Variants in ITGBL1 observed in about 807,000 individuals in gnomAD.
ITGBL1 encodes integrin beta-like protein 1.
Under a neutral mutation model 68.5 loss-of-function variants are expected in ITGBL1, and 51 were observed. The observed-to-expected ratio is 0.74, with a 90% confidence interval of 0.59 to 0.94. The LOEUF is 0.94. Among genes scored for constraint, ITGBL1 ranks in the 40% least tolerant of loss-of-function variants. The pLI is 0.00. For synonymous variants in ITGBL1, 209 were observed against 227.3 expected (o/e 0.92, Z 0.72); for missense variants, 649 against 647.4 (o/e 1.00, Z -0.03).
chr13:101,677,894 A>C (rs1434491613), intron 7 of ITGBL1, among the ~76,000 whole-genome samples: 1 of 152,238 alleles, frequency 6.6e-6, no homozygotes, highest in Non-Finnish European at 1.5e-5. Context: ...TTCATAGATA[A>C]AAATGGCTTA....
intron 2 of ITGBL1, among the ~76,000 whole-genome samples, chr13:101,522,187 C>G (rs947825844): frequency 6.6e-6 from 1 of 152,112 alleles, no homozygotes; most frequent in East Asian, 1.9e-4. Context: ...TCTCTACTTA[C>G]AGTCACATGG....
In ITGBL1 at chr13:101,495,127, C is replaced by G. The variant is rs376898852; in HGVS notation, c.316+41027C>G. ...AGCAAGAGCATGGAAGTTGCCAACC[C>G]TTTTTAACTTTTATGTAGTTTACTC... On this transcript the variant is annotated intron_variant, in intron 2 of 10. Transcript: ENST00000376180. 4.6e-5 allele frequency among the ~76,000 whole-genome samples: 7 copies of G among 152,268 alleles called. No individual in the cohort carries two copies. The East Asian group carries it at 1.4e-3, about 29-fold the overall frequency.
intron 4 of ITGBL1, among the ~76,000 whole-genome samples, chr13:101,578,838 A>T (rs371224213): frequency 6.6e-6 from 1 of 152,248 alleles, no homozygotes; most frequent in East Asian, 1.9e-4. Context: ...TCTGCTTTAA[A>T]GAGTTGTTTG....
At chr13:101,554,438 G>A (rs892954345) in intron 2 of ITGBL1, among the ~76,000 whole-genome samples, 4 of 152,176 alleles carry the variant, frequency 2.6e-5, no homozygotes, top group Admixed American at 6.5e-5. Flanking sequence ...TGTCTTACAC[G>A]ATGACATCTG....
intron 7 of ITGBL1, among the ~76,000 whole-genome samples, chr13:101,678,399 T>C (rs1451678375): frequency 6.6e-6 from 1 of 152,246 alleles, no homozygotes; most frequent in Non-Finnish European, 1.5e-5. Flanking sequence ...ATTTTGTTGT[T>C]CAATTTGTAA....
At chr13:101,636,693 G>A (rs2032180476) in intron 7 of ITGBL1, among the ~76,000 whole-genome samples, 2 of 152,126 alleles carry the variant, frequency 1.3e-5, no homozygotes, top group African/African-American at 2.4e-5. Flanking sequence ...TGCAGAAGTG[G>A]GAAGGAGAAG....
At chr13:101,594,013 C>G (rs2050701337) in intron 6 of ITGBL1, among the ~76,000 whole-genome samples, 1 of 152,024 alleles carries the variant, frequency 6.6e-6, no homozygotes, top group East Asian at 1.9e-4. Flanking sequence ...ACATCTGATT[C>G]TACCCCATAA....
chr13:101,514,163 C>T (rs568397366), intron 2 of ITGBL1, among the ~76,000 whole-genome samples: 2 of 152,102 alleles, frequency 1.3e-5, no homozygotes, highest in Admixed American at 1.3e-4. Flanking sequence ...CTATCCTAAA[C>T]GTCCCCATAT....
At chr13:101,638,611 G>C (rs572551545) in intron 7 of ITGBL1, among the ~76,000 whole-genome samples, 1 of 152,078 alleles carries the variant, frequency 6.6e-6, no homozygotes, top group African/African-American at 2.4e-5. Flanking sequence ...GGAGACAAGA[G>C]AGAATGAGAA....
chr13:101,598,294 G>A lies in ITGBL1; in HGVS notation c.1010G>A (p.Gly337Glu). Reference protein sequence around the residue: ...CQGSSDLPCSGRGKCECGKCT... With the variant: ...CQGSSDLPCSERGKCECGKCT... ...GGAAGCTCGGATCTGCCTTGCTCTG[G>A]GAGGGGTAAGTGAGGTCTCTCAGGG... The change falls in exon 7 of 11, where the codon GGG becomes GAG. Residue 337 changes from glycine to glutamate, a missense_variant. Gly to Glu is a moderately conservative substitution (Grantham distance 98, BLOSUM62 -2). Coordinates refer to ENST00000376180, the MANE Select transcript of ITGBL1 (RefSeq NM_004791.3). The A allele has an allele frequency of 1.2e-6, 2 of 1,608,556 alleles. No homozygotes were observed. Among genetic ancestry groups the A allele is most frequent in the Non-Finnish European group, 8.5e-7 (1 of 1,177,604 alleles).
rs117493177 is a variant in ITGBL1 at position 101,691,640 on chromosome 13, G to T, written c.1016-945G>T. On this transcript the variant is annotated intron_variant, in intron 7 of 10. Coordinates refer to ENST00000376180, the MANE Select transcript of ITGBL1 (RefSeq NM_004791.3). ...ACCAGTAGTGATTCCTCAAACAAAA[G>T]AAATTTACTTTCTCATATAGCCTTC... Among the ~76,000 whole-genome samples the T allele has an allele frequency of 1.8e-4, 27 of 152,260 alleles. No individual in the cohort carries two copies. The East Asian group carries it at 4.4e-3, about 25-fold the overall frequency.
chr13:101,460,557 A>C (rs1013772226), intron 2 of ITGBL1, among the ~76,000 whole-genome samples: 1 of 152,222 alleles, frequency 6.6e-6, no homozygotes, highest in Non-Finnish European at 1.5e-5. Flanking sequence ...CCTCAATTGT[A>C]CTGCTTTATT....
intron 2 of ITGBL1, among the ~76,000 whole-genome samples, chr13:101,547,348 TTTAA>T (rs2049844148): frequency 6.6e-6 from 1 of 151,966 alleles, no homozygotes; most frequent in African/African-American, 2.4e-5. Flanking sequence ...TGCTATCATC[TTTAA>T]TTAGTCCTTC....
intron 5 of ITGBL1, 113 bp downstream of exon 5, chr13:101,579,540 A>G (rs2050420944): frequency 1.9e-6 from 2 of 1,070,548 alleles, no homozygotes; most frequent in Non-Finnish European, 2.6e-6. Context: ...TCTTCTAACC[A>G]TTTACTTTGA....
At chr13:101,606,344 G>C (rs932352301) in intron 7 of ITGBL1, among the ~76,000 whole-genome samples, 19 of 151,286 alleles carry the variant, frequency 1.3e-4, no homozygotes, top group Non-Finnish European at 5.9e-5. Context: ...GTGATTCCTT[G>C]ATTTCTATAC....
At chr13:101,619,500 A>G (rs994069547) in intron 7 of ITGBL1, among the ~76,000 whole-genome samples, 2 of 152,166 alleles carry the variant, frequency 1.3e-5, no homozygotes, top group African/African-American at 4.8e-5. Context: ...AAGGCCAGGA[A>G]AGAGATCCTA....
chr13:101,612,363 AT>A (rs1276234753), intron 7 of ITGBL1, among the ~76,000 whole-genome samples: 1 of 152,168 alleles, frequency 6.6e-6, no homozygotes, highest in East Asian at 1.9e-4. Context: ...AGAGCCCTGT[AT>A]TGTATAATAG....
At chr13:101,714,772 T>A (rs1178755256) in intron 10 of ITGBL1, 2 of 533,956 alleles carry the variant, frequency 3.7e-6, no homozygotes, top group Non-Finnish European at 6.7e-6. Flanking sequence ...AATTTTGTGA[T>A]TATTTGGGAT....
chr13:101,522,032 A>G (rs1220554321), intron 2 of ITGBL1, among the ~76,000 whole-genome samples: 1 of 151,914 alleles, frequency 6.6e-6, no homozygotes, highest in Non-Finnish European at 1.5e-5. Context: ...AGGGAGGAAG[A>G]GGGAGAGAGA....
Sources: gnomAD v4.1 joint callset for allele counts (sites outside exome capture counted in the v4.1 genomes callset) on GRCh38, gnomAD v4.1.1 for gene constraint, MANE v1.5 for transcripts, NCBI Gene and HGNC (gene_info 2026-07-23, HGNC 2026-07-21) for gene names.